PLEKHM2: variants seen among roughly 807,000 people sequenced by gnomAD.
PLEKHM2 encodes the protein pleckstrin homology domain-containing family M member 2.
A neutral mutation model predicts 116.3 loss-of-function variants in PLEKHM2; 77 were observed. The observed-to-expected ratio is 0.66, with a 90% CI of 0.55 to 0.80. The LOEUF (loss-of-function observed/expected upper bound fraction) is 0.80, where lower values mean the gene tolerates loss of function less well. Ranked by LOEUF, PLEKHM2 falls within the 30% of genes least tolerant of loss-of-function variation. The probability of loss-of-function intolerance (pLI) is 0.00; values close to 1 mark genes in which losing one functional copy is unlikely to be tolerated. For missense variants in PLEKHM2, 1,183 were observed against 1,354.9 expected, an observed-to-expected ratio of 0.87 and a Z score of 1.99; for synonymous variants, 562 against 571.0, an observed-to-expected ratio of 0.98 and a Z score of 0.22.
Position 15,731,184 on chromosome 1 carries a change from C to T in PLEKHM2, c.2400-8C>T. 1 of 1,589,484 alleles carries T rather than the reference C, an allele frequency of 6.3e-7. No homozygotes were observed. Among genetic ancestry groups the T allele is most frequent in the Non-Finnish European group, 8.6e-7 (1 of 1,167,154 alleles). On this transcript the variant is annotated splice_polypyrimidine_tract_variant and splice_region_variant and intron_variant, in intron 15 of 19. Transcript: ENST00000375799. ...AGGCCTCACTCGCCCTGTGTTGTGC[C>T]CCTGCAGCAACGGGATCCTCTACCA...
Position 15,728,537 on chromosome 1 carries a change from C to A in PLEKHM2, c.1922-132C>A. On this transcript the variant is annotated intron_variant, in intron 11 of 19. Coordinates refer to ENST00000375799, the MANE Select transcript of PLEKHM2 (RefSeq NM_015164.4). The surrounding 1 kb of genome is among the most constrained non-coding windows in gnomAD (Gnocchi z 5.9). ...GTGAGCCTGGGGCTCCCTCTGTGAG[C>A]ACTCCACGCCATTCTCCTACTGCAG... The A allele has an allele frequency of 2.0e-6, 2 of 979,800 alleles. No homozygotes were observed. Among genetic ancestry groups the A allele is most frequent in the Non-Finnish European group, 3.1e-6 (2 of 644,462 alleles). The allele number at this position is 979,800 out of a possible 1,614,324, so 60.7% of individuals were successfully genotyped here.
chr1:15,681,712 C>T (rs1640647961), upstream of PLEKHM2: 1 of 409,886 alleles, frequency 2.4e-6, no homozygotes, highest in Non-Finnish European at 5.0e-6. Flanking sequence ...AAGTAGGAGG[C>T]TATTTCTACT....
chr1:15,710,660 G>C (rs925974641), intron 1 of PLEKHM2, among the ~76,000 whole-genome samples: 1 of 152,192 alleles, frequency 6.6e-6, no homozygotes, highest in Non-Finnish European at 1.5e-5. Context: ...TGTTGAGGGG[G>C]CTGGGGTGGA....
chr1:15,715,382 C>G (rs1641424408), intron 1 of PLEKHM2, among the ~76,000 whole-genome samples: 1 of 152,122 alleles, frequency 6.6e-6, no homozygotes, highest in African/African-American at 2.4e-5. Context: ...TGGCTCACGC[C>G]TGTAATCGCA....
chr1:15,693,800 C>T (rs1640935658), intron 1 of PLEKHM2, among the ~76,000 whole-genome samples: 1 of 152,120 alleles, frequency 6.6e-6, no homozygotes, highest in Non-Finnish European at 1.5e-5. Flanking sequence ...TCCACACAAG[C>T]CTTAATGTGG....
intron 1 of PLEKHM2, among the ~76,000 whole-genome samples, chr1:15,711,796 A>G (rs72881320): frequency 0.026 from 3,901 of 152,104 alleles, 178 homozygotes; most frequent in African/African-American, 0.088. Context: ...AAAATAATAT[A>G]TAACAACACA....
chr1:15,727,531 C>T lies in PLEKHM2; in HGVS notation c.1459C>T (p.Leu487Phe). The change falls in exon 9 of 20, where the codon CTT becomes TTT. Residue 487 changes from leucine (L) to phenylalanine (F), a missense_variant. Transcript: ENST00000375799. This position sits in a 1 kb window ranked among gnomAD's most constrained non-coding sequence, Gnocchi z 7.5. ...TGGCGGCCACCATGACCCTGCAGGG[C>T]TTGGCCAACCGCTGCATGTTCCTAG... is the stretch of plus-strand genomic sequence containing the variant. ...SGGGHHDPAGLGQPLHVPSSP... is the reference protein window; with the variant it reads ...SGGGHHDPAGFGQPLHVPSSP... 1 of 1,576,716 alleles carries T rather than the reference C, an allele frequency of 6.3e-7. No individual in the cohort carries two copies.
chr1:15,724,920 C>T (rs780792187), intron 7 of PLEKHM2, among the ~76,000 whole-genome samples: 1 of 152,110 alleles, frequency 6.6e-6, no homozygotes, highest in Non-Finnish European at 1.5e-5. Flanking sequence ...CAGGAAGGCT[C>T]TGAGGGTAAC....
At chr1:15,694,740 C>T (rs967143488) in intron 1 of PLEKHM2, among the ~76,000 whole-genome samples, 6 of 151,192 alleles carry the variant, frequency 4.0e-5, no homozygotes, top group Non-Finnish European at 7.4e-5. Context: ...CTCCTCCATG[C>T]TGTGTATTTT....
chr1:15,711,200 A>G (rs908605252), intron 1 of PLEKHM2, among the ~76,000 whole-genome samples: 8 of 145,082 alleles, frequency 5.5e-5, no homozygotes, highest in African/African-American at 1.8e-4. Context: ...TGTCTCTATC[A>G]AAAATAAAAA....
intron 1 of PLEKHM2, among the ~76,000 whole-genome samples, chr1:15,693,033 C>T (rs1219755992): frequency 4.7e-5 from 7 of 148,634 alleles, no homozygotes; most frequent in Non-Finnish European, 1.0e-4. Flanking sequence ...GCCACCGTGC[C>T]TAGCCACACT....
chr1:15,722,043 G>C (rs2068003203), intron 7 of PLEKHM2, among the ~76,000 whole-genome samples: 1 of 152,204 alleles, frequency 6.6e-6, no homozygotes, highest in Non-Finnish European at 1.5e-5. Context: ...CTATTCCCAG[G>C]TTGCCACGAT....
chr1:15,684,636 C>T lies in PLEKHM2; in HGVS notation c.60+18C>T. 7.9e-7 allele frequency: 1 copy of T among 1,260,698 alleles called. No individual in the cohort carries two copies. Among genetic ancestry groups the T allele is most frequent in the Non-Finnish European group, 1.0e-6 (1 of 991,196 alleles). The allele number at this position is 1,260,698 out of a possible 1,614,324, so 78.1% of individuals were successfully genotyped here. ...TGAAGAAGGTGAGCGCGGCCTCCCT[C>T]CCGGCCGGGGCCCCTTCCTCGCCGC... On this transcript the variant is annotated intron_variant, in intron 1 of 19. Transcript: ENST00000375799.
intron 1 of PLEKHM2, among the ~76,000 whole-genome samples, chr1:15,714,810 G>A (rs1461489964): frequency 1.3e-5 from 2 of 152,222 alleles, no homozygotes; most frequent in Non-Finnish European, 2.9e-5. Flanking sequence ...CTCCCTTCTG[G>A]CCATTGGAAG....
chr1:15,697,099 C>T (rs897063334), intron 1 of PLEKHM2, among the ~76,000 whole-genome samples: 2 of 152,136 alleles, frequency 1.3e-5, no homozygotes, highest in Non-Finnish European at 2.9e-5. Flanking sequence ...AAGATGAACA[C>T]GCCAGCTGAA....
At chr1:15,709,613 G>A (rs570509766) in intron 1 of PLEKHM2, among the ~76,000 whole-genome samples, 8 of 152,248 alleles carry the variant, frequency 5.3e-5, no homozygotes, top group South Asian at 4.1e-4. Flanking sequence ...CTCTGTAGTC[G>A]CAGAGCCACA....
At chr1:15,724,577 G>C (rs1264591587) in intron 7 of PLEKHM2, among the ~76,000 whole-genome samples, 1 of 152,078 alleles carries the variant, frequency 6.6e-6, no homozygotes, top group Non-Finnish European at 1.5e-5. Flanking sequence ...CAGGGGTGCT[G>C]GGGAGAAGCA....
intron 1 of PLEKHM2, among the ~76,000 whole-genome samples, chr1:15,699,991 A>C (rs940827037): frequency 2.0e-5 from 2 of 102,412 alleles, no homozygotes; most frequent in African/African-American, 1.6e-4. Context: ...CCCCCATCTC[A>C]AAAAAAAAAA....
intron 1 of PLEKHM2, among the ~76,000 whole-genome samples, chr1:15,696,559 C>T (rs1363155148): frequency 6.6e-6 from 1 of 152,132 alleles, no homozygotes; most frequent in Non-Finnish European, 1.5e-5. Context: ...TCATATTGGT[C>T]AGGCTGGTCT....
Sources: allele counts gnomAD v4.1 joint callset (sites outside exome capture counted in the v4.1 genomes callset), GRCh38; gene constraint gnomAD v4.1.1; non-coding constraint Gnocchi (gnomAD v3.1); transcripts MANE v1.5; gene names NCBI Gene and HGNC (gene_info 2026-07-23, HGNC 2026-07-21).